The following LYRM4 variants were observed in gnomAD, a reference collection of about 807,000 sequenced individuals.
LYRM4 encodes the protein LYR motif-containing protein 4.
A neutral mutation model predicts 11.7 loss-of-function variants in LYRM4; 9 were observed. The observed-to-expected ratio is 0.77, with a 90% CI of 0.46 to 1.34. LYRM4 has a LOEUF of 1.34. Among genes scored for constraint, LYRM4 ranks in the 40% most tolerant of loss-of-function variants. LYRM4 has a pLI of 0.00. For missense variants in LYRM4, 133 were observed against 112.5 expected (o/e 1.18, Z -0.82); for synonymous variants, 42 against 40.4 (o/e 1.04, Z -0.15).
At chr6:5,096,746 T>C in the LYRM4 span, among the ~76,000 whole-genome samples, 7 of 152,232 alleles carry the variant, frequency 4.6e-5, no homozygotes, top group African/African-American at 1.7e-4. Flanking sequence ...TTGTGAGCAC[T>C]GAGGGAAGTT....
chr6:5,179,094 GA>G (rs1322368094), intron 2 of LYRM4, among the ~76,000 whole-genome samples: 1 of 120,312 alleles, frequency 8.3e-6, no homozygotes, highest in Admixed American at 8.1e-5. Context: ...AAAAAAGAAA[GA>G]AAAGAGGAAA....
intron 2 of LYRM4, among the ~76,000 whole-genome samples, chr6:5,178,842 T>C (rs1232236214): frequency 2.3e-5 from 3 of 132,080 alleles, no homozygotes; most frequent in African/African-American, 8.3e-5. Context: ...AAGAGTTTCC[T>C]CTGATTGTAC....
chr6:5,149,945 T>C (rs1293348106), intron 2 of LYRM4, among the ~76,000 whole-genome samples: 1 of 152,178 alleles, frequency 6.6e-6, no homozygotes, highest in Non-Finnish European at 1.5e-5. Flanking sequence ...TTTAAAATAA[T>C]GTTAAGACAC....
At chr6:5,252,280 G>A (rs573885757) in intron 1 of LYRM4, among the ~76,000 whole-genome samples, 4 of 152,284 alleles carry the variant, frequency 2.6e-5, no homozygotes, top group South Asian at 2.1e-4. Flanking sequence ...GGCAGCCCAC[G>A]GGGAGCGAGG....
chr6:5,037,682 A>G, the LYRM4 span, among the ~76,000 whole-genome samples: 2 of 31,770 alleles, frequency 6.3e-5, no homozygotes, highest in Non-Finnish European at 1.4e-4. Flanking sequence ...CCGGCCGGGC[A>G]GGGGGCTGAC....
At chr6:5,192,932 A>G (rs1174928031) in intron 2 of LYRM4, among the ~76,000 whole-genome samples, 1 of 152,212 alleles carries the variant, frequency 6.6e-6, no homozygotes, top group African/African-American at 2.4e-5. Context: ...AGGCTGAGGC[A>G]GGAGAATGGC....
intron 1 of LYRM4, among the ~76,000 whole-genome samples, chr6:5,248,844 T>G (rs970699305): frequency 6.6e-6 from 1 of 152,244 alleles, no homozygotes; most frequent in Non-Finnish European, 1.5e-5. Context: ...AGGTTATGTT[T>G]TGTTTATCTC....
At chr6:5,231,431 C>T (rs1561888376) in intron 1 of LYRM4, among the ~76,000 whole-genome samples, 4 of 152,114 alleles carry the variant, frequency 2.6e-5, no homozygotes, top group African/African-American at 9.7e-5. Flanking sequence ...TCCCTCAATC[C>T]CTGAATACTG....
chr6:5,086,033 C>G, the LYRM4 span: 1 of 1,490,454 alleles, frequency 6.7e-7, no homozygotes, highest in Non-Finnish European at 8.9e-7. Context: ...CTGCTGGCCG[C>G]GGCGGCAGTG....
intron 2 of LYRM4, among the ~76,000 whole-genome samples, chr6:5,152,137 A>G (rs985984239): frequency 2.0e-5 from 3 of 152,244 alleles, no homozygotes; most frequent in Non-Finnish European, 2.9e-5. Flanking sequence ...AAAGGACCTT[A>G]GAGAAAAATC....
At chr6:5,069,096 A>G in the LYRM4 span, among the ~76,000 whole-genome samples, 1 of 152,368 alleles carries the variant, frequency 6.6e-6, no homozygotes, top group East Asian at 1.9e-4. Context: ...GTTGTTAAAT[A>G]ATATGCATTT....
At chr6:5,119,795 A>AG in intron 2 of LYRM4, among the ~76,000 whole-genome samples, 2 of 108,654 alleles carry the variant, frequency 1.8e-5, no homozygotes, top group African/African-American at 1.1e-4. Flanking sequence ...TCTCCATAAC[A>AG]AAAAAAAAAA....
At chr6:5,197,410 A>G (rs1761124033) in intron 2 of LYRM4, among the ~76,000 whole-genome samples, 1 of 152,218 alleles carries the variant, frequency 6.6e-6, no homozygotes, top group Non-Finnish European at 1.5e-5. Flanking sequence ...ACGGTGGCTC[A>G]TGCCTGTAAT....
intron 1 of LYRM4, among the ~76,000 whole-genome samples, chr6:5,240,217 C>CA (rs1763797337): frequency 6.6e-6 from 1 of 152,140 alleles, no homozygotes; most frequent in Admixed American, 6.5e-5. Flanking sequence ...TTCCCTGACT[C>CA]ACTCTGGTAA....
intron 2 of LYRM4, among the ~76,000 whole-genome samples, chr6:5,142,501 G>A (rs956543937): frequency 6.6e-6 from 1 of 152,202 alleles, no homozygotes; most frequent in African/African-American, 2.4e-5. Context: ...GAAGTGGGAT[G>A]TGGCAATAAA....
At chr6:5,229,370 T>C (rs1763098008) in intron 1 of LYRM4, among the ~76,000 whole-genome samples, 1 of 152,180 alleles carries the variant, frequency 6.6e-6, no homozygotes, top group Non-Finnish European at 1.5e-5. Context: ...AAGCGGGCGA[T>C]TGTCTTCCAG....
chr6:5,084,215 C>G, the LYRM4 span, among the ~76,000 whole-genome samples: 7 of 152,250 alleles, frequency 4.6e-5, no homozygotes, highest in African/African-American at 1.7e-4. Context: ...AGATGGCCCT[C>G]AGGGTGGCCT....
At chr6:5,078,181 AT>A in the LYRM4 span, among the ~76,000 whole-genome samples, 334 of 151,888 alleles carry the variant, frequency 2.2e-3, no homozygotes, top group Non-Finnish European at 3.3e-3. Flanking sequence ...AATCTTTCCT[AT>A]TTTCTCCTCA....
intron 2 of LYRM4, among the ~76,000 whole-genome samples, chr6:5,177,168 A>C (rs1460464718): frequency 1.3e-5 from 2 of 152,222 alleles, no homozygotes; most frequent in Non-Finnish European, 2.9e-5. Context: ...CCGTGTGTTT[A>C]AAAGAACTCT....
Sources: gnomAD v4.1 joint callset for allele counts (sites outside exome capture counted in the v4.1 genomes callset) on GRCh38, gnomAD v4.1.1 for gene constraint, MANE v1.5 for transcripts, NCBI Gene and HGNC (gene_info 2026-07-23, HGNC 2026-07-21) for gene names.